Variants in GALNT6 observed in about 807,000 individuals in gnomAD.
The protein encoded by GALNT6 is GalNAc transferase 6.
A neutral mutation model predicts 65.9 loss-of-function variants in GALNT6; 51 were observed. The observed-to-expected ratio is 0.77, with a 90% CI of 0.62 to 0.98. The LOEUF is 0.98. Among genes scored for constraint, GALNT6 ranks in the 50% least tolerant of loss-of-function variants. GALNT6 has a pLI of 0.00. For synonymous variants in GALNT6, 323 were observed against 315.1 expected, an observed-to-expected ratio of 1.02 and a Z score of -0.26; for missense variants, 708 against 803.3, an observed-to-expected ratio of 0.88 and a Z score of 1.43.
rs147990328 is a variant in GALNT6 at position 51,379,439 on chromosome 12, C to T, written c.343G>A (p.Ala115Thr). ...CTCTTCTGAAATGCTTTTCCATCTG[C>T]CCCAGGGGCATTGGGGTCCTGTGGT... The part of the protein sequence containing the change: ...RPPQDPNAPG[A>T]DGKAFQKSKW... Residue 115 changes from alanine to threonine, a missense_variant, in exon 3 of 12, where the codon GCA (alanine) becomes ACA (threonine). Ala to Thr is a moderately conservative substitution (Grantham distance 58). Coordinates refer to ENST00000356317, the MANE Select transcript of GALNT6 (RefSeq NM_007210.4). The T allele has an allele frequency of 1.2e-5, 19 of 1,613,626 alleles. No individual in the cohort carries two copies. The African/African-American group carries it at 2.3e-4, about 19-fold the overall frequency.
intron 4 of GALNT6, among the ~76,000 whole-genome samples, chr12:51,374,843 T>C (rs1947401655): frequency 6.6e-6 from 1 of 152,162 alleles, no homozygotes; most frequent in Admixed American, 6.6e-5. Flanking sequence ...CCGATTATCC[T>C]CCTCCAAAGC....
In GALNT6 at chr12:51,353,139, T is replaced by C. The variant is rs1946655348; in HGVS notation, c.*1240A>G. The C allele has an allele frequency of 6.6e-6, 1 of 152,268 alleles. No homozygotes were observed. Among genetic ancestry groups the C allele is most frequent in the African/African-American group, 2.4e-5 (1 of 41,464 alleles). The allele number at this position is 152,268 out of a possible 1,614,324, so 9.4% of individuals were successfully genotyped here. On this transcript the variant is annotated 3_prime_UTR_variant, in exon 12 of 12. Coordinates refer to ENST00000356317, the MANE Select transcript of GALNT6 (RefSeq NM_007210.4). The stretch of plus-strand genomic sequence containing the variant: ...AGCCTCAGTCTTGGCTCCAGCCATC[T>C]GCTAGCTATGGGACTACAGACAAGC...
At chr12:51,360,627 T>C (rs1036721063) in intron 7 of GALNT6, 94 bp downstream of exon 7, 1 of 758,162 alleles carries the variant, frequency 1.3e-6, no homozygotes, top group Non-Finnish European at 2.4e-6. Flanking sequence ...CAGTTCCAGA[T>C]GGGATGTCCC....
intron 2 of GALNT6, among the ~76,000 whole-genome samples, chr12:51,388,064 C>A (rs758626881): frequency 6.6e-6 from 1 of 152,144 alleles, no homozygotes; most frequent in African/African-American, 2.4e-5. Context: ...CATTGAAGTC[C>A]GTGAAACAAG....
At chr12:51,369,562 C>T (rs1011414521) in intron 4 of GALNT6, among the ~76,000 whole-genome samples, 5 of 152,194 alleles carry the variant, frequency 3.3e-5, no homozygotes, top group African/African-American at 7.2e-5. Flanking sequence ...ACACAGACAC[C>T]GCACTCAGTT....
In GALNT6 at chr12:51,355,905, C is replaced by T; in HGVS notation, c.1656G>A (p.Leu552=). The T allele has an allele frequency of 6.2e-7, 1 of 1,613,864 alleles. No individual in the cohort carries two copies. Residue 552 remains leucine, a synonymous_variant, in exon 11 of 12, where the codon CTG becomes CTA. Coordinates refer to ENST00000356317, the MANE Select transcript of GALNT6 (RefSeq NM_007210.4). ...RDLRHNIAKQ[L]CLHVSKGALG... is the part of the protein sequence containing the mutation. ...GAGCACCCTTGCTGACATGTAGACA[C>T]AGCTGCTTTGCGATGTTGTGGCGAA... is the stretch of plus-strand genomic sequence containing the variant.
At chr12:51,385,179 G>A (rs1034599481) in intron 2 of GALNT6, among the ~76,000 whole-genome samples, 5 of 152,070 alleles carry the variant, frequency 3.3e-5, no homozygotes, top group Admixed American at 6.6e-5. Flanking sequence ...GTAGAGATGG[G>A]GGTCTCACTA....
chr12:51,388,424 G>A (rs1246150675), intron 2 of GALNT6, among the ~76,000 whole-genome samples: 1 of 152,136 alleles, frequency 6.6e-6, no homozygotes, highest in African/African-American at 2.4e-5. Flanking sequence ...CAGATGCTTG[G>A]CACTCACTGG....
rs184176564 is a variant in GALNT6 at position 51,351,529 on chromosome 12, C to T, written c.*2850G>A. On this transcript the variant is annotated 3_prime_UTR_variant, in exon 12 of 12. Transcript: ENST00000356317. Reference sequence around the variant, plus strand: ...CCTTCCCATCTGAGGACTCATCTTCCGAGGTCTTAGGTCAAACATTGCCAT... The same window carrying T: ...CCTTCCCATCTGAGGACTCATCTTCTGAGGTCTTAGGTCAAACATTGCCAT... 27 of 152,338 alleles carry T rather than the reference C, an allele frequency of 1.8e-4. No homozygotes were observed. Among genetic ancestry groups the T allele is most frequent in the African/African-American group, 4.8e-4 (20 of 41,568 alleles). 9.4% of individuals were successfully genotyped at this position (152,338 alleles called of 1,614,324 possible). A position where few individuals can be genotyped will look rare whatever the true frequency, so the allele number is the denominator to read the frequency against.
Position 51,375,630 on chromosome 12 carries a change from T to C in GALNT6, c.664+1565A>G, listed in dbSNP as rs142573102. ...TGGAGTGCAGTAACATGATCTCGGC[T>C]CACTGCAACCTCCGCCTCCTGGGTT... is the stretch of plus-strand genomic sequence containing the variant. On this transcript the variant is annotated intron_variant, in intron 4 of 11. Transcript: ENST00000356317. 4.0e-3 allele frequency among the ~76,000 whole-genome samples: 607 copies of C among 151,800 alleles called. 8 individuals are homozygous for C. The highest frequency in any genetic ancestry group is 0.014 in the African/African-American group (577 of 41,370).
In GALNT6 at chr12:51,354,156, C is replaced by T. The variant is rs564505117; in HGVS notation, c.*223G>A. 313 of 448,344 alleles carry T rather than the reference C, an allele frequency of 7.0e-4. 1 individual carries two copies. The highest frequency in any genetic ancestry group is 4.5e-3 in the Middle Eastern group (8 of 1,790). 27.8% of individuals were successfully genotyped at this position (448,344 alleles called of 1,614,324 possible). On this transcript the variant is annotated 3_prime_UTR_variant, in exon 12 of 12. Coordinates refer to ENST00000356317, the MANE Select transcript of GALNT6 (RefSeq NM_007210.4). ...AGCCTCTATTTCTAGAACAGGAAAA[C>T]GCTAGGCTAAATATATGTCCTAATG...
chr12:51,353,913 C>CTT lies in GALNT6; in HGVS notation c.*464_*465dup, dbSNP rs11350640. ...TACAGGCATAAGCCACCATACCCAG[C>CTT]TTTTTTTTTTTGCCGGGGGGAGGGT... On this transcript the variant is annotated 3_prime_UTR_variant, in exon 12 of 12. Coordinates refer to ENST00000356317, the MANE Select transcript of GALNT6 (RefSeq NM_007210.4). The CTT allele has an allele frequency of 6.7e-6, 1 of 149,298 alleles. No homozygotes were observed. Among genetic ancestry groups the CTT allele is most frequent in the Non-Finnish European group, 1.5e-5 (1 of 67,500 alleles). 9.2% of individuals were successfully genotyped at this position (149,298 alleles called of 1,614,324 possible). A position where few individuals can be genotyped will look rare whatever the true frequency, so the allele number is the denominator to read the frequency against.
intron 4 of GALNT6, among the ~76,000 whole-genome samples, chr12:51,369,102 C>T (rs949148193): frequency 9.2e-5 from 14 of 152,162 alleles, no homozygotes; most frequent in Non-Finnish European, 1.9e-4. Flanking sequence ...CCCAGCTCTG[C>T]GCACAGGAAG....
chr12:51,362,007 G>A (rs1372389386), intron 6 of GALNT6, among the ~76,000 whole-genome samples: 1 of 152,088 alleles, frequency 6.6e-6, no homozygotes, highest in Non-Finnish European at 1.5e-5. Context: ...TTGTCTACCT[G>A]AAGTTGGCTC....
Position 51,387,272 on chromosome 12 carries a change from AT to A in GALNT6, c.-104+3577del, listed in dbSNP as rs1253328946. On this transcript the variant is annotated intron_variant, in intron 2 of 11. Coordinates refer to ENST00000356317, the MANE Select transcript of GALNT6 (RefSeq NM_007210.4). This position sits in a 1 kb window ranked among gnomAD's most constrained non-coding sequence, Gnocchi z 4.2. ...GCCACCACGTCCGGCTAATTTTTGTATTTTTTTAGTAGAGACAGTGTTTCGC... is the reference window on the plus strand; with the variant it reads ...GCCACCACGTCCGGCTAATTTTTGTATTTTTTAGTAGAGACAGTGTTTCGC... Among the ~76,000 whole-genome samples, 6 of 151,812 alleles carry A rather than the reference AT, an allele frequency of 4.0e-5. No homozygotes were observed. Among genetic ancestry groups the A allele is most frequent in the Middle Eastern group, 6.8e-3 (2 of 292 alleles).
intron 4 of GALNT6, among the ~76,000 whole-genome samples, chr12:51,366,702 TCTC>T (rs1947117540): frequency 6.6e-6 from 1 of 152,042 alleles, no homozygotes. Flanking sequence ...AAGGGCCAAA[TCTC>T]CTGGATTTGA....
intron 10 of GALNT6, among the ~76,000 whole-genome samples, chr12:51,356,271 G>C (rs1242590012): frequency 6.6e-6 from 1 of 150,584 alleles, no homozygotes; most frequent in African/African-American, 2.4e-5. Context: ...AAACTCCTGA[G>C]CTCAAGTGAT....
In GALNT6 at chr12:51,365,490, C is replaced by G. The variant is rs11169818; in HGVS notation, c.754G>C (p.Ala252Pro). 1 of 1,612,346 alleles carries G rather than the reference C, an allele frequency of 6.2e-7. No homozygotes were observed. Among genetic ancestry groups the G allele is most frequent in the Non-Finnish European group, 8.5e-7 (1 of 1,179,964 alleles). Residue 252 changes from alanine (A) to proline (P), a missense_variant, in exon 5 of 12, where the codon GCC becomes CCC. Coordinates refer to ENST00000356317, the MANE Select transcript of GALNT6 (RefSeq NM_007210.4). ...RQEERKGLIT[A>P]RLLGASVAQA... ...GCCACGCTGGCCCCCAGCAGCCGGGCGGTGATCAGCCCCTTCCGCTCCTCC... is the reference window on the plus strand; with the variant it reads ...GCCACGCTGGCCCCCAGCAGCCGGGGGGTGATCAGCCCCTTCCGCTCCTCC...
chr12:51,373,879 A>C (rs1021162615), intron 4 of GALNT6, among the ~76,000 whole-genome samples: 3 of 151,974 alleles, frequency 2.0e-5, no homozygotes, highest in African/African-American at 7.3e-5. Flanking sequence ...TTTTTTTTAG[A>C]GACTGGGTCT....
Sources: gnomAD v4.1 joint callset for allele counts (sites outside exome capture counted in the v4.1 genomes callset) on GRCh38, gnomAD v4.1.1 for gene constraint, Gnocchi (gnomAD v3.1) non-coding constraint, MANE v1.5 for transcripts, NCBI Gene and HGNC (gene_info 2026-07-23, HGNC 2026-07-21) for gene names.